Variants in SNX25 observed in about 807,000 individuals in gnomAD.
SNX25 encodes the protein sorting nexin-25.
A neutral mutation model predicts 113.7 loss-of-function variants in SNX25; 62 were observed. The observed-to-expected ratio is 0.55, with a 90% CI of 0.44 to 0.67. SNX25 has a LOEUF of 0.67. SNX25 is among the 30% of genes least tolerant of loss of function. The probability of loss-of-function intolerance (pLI) is 0.00; values close to 1 mark genes in which losing one functional copy is unlikely to be tolerated. For missense variants in SNX25, 1,014 were observed against 1,161.0 expected, an observed-to-expected ratio of 0.87 and a Z score of 1.84; for synonymous variants, 421 against 436.2, an observed-to-expected ratio of 0.97 and a Z score of 0.43.
At chr4:185,239,200 T>G (rs984080815) in intron 1 of SNX25, among the ~76,000 whole-genome samples, 1 of 152,146 alleles carries the variant, frequency 6.6e-6, no homozygotes, top group Non-Finnish European at 1.5e-5. Flanking sequence ...AAAAGTTTTC[T>G]GCCAGGCGCG....
At position 185,363,206 on chromosome 4, in the gene SNX25, A is replaced by G. The variant is rs969058350; in HGVS notation, c.2935-179A>G. On this transcript the variant is annotated intron_variant, in intron 18 of 18. Coordinates refer to ENST00000652585, the MANE Select transcript of SNX25 (RefSeq NM_001378034.2). The surrounding 1 kb of genome is among the most constrained non-coding windows in gnomAD (Gnocchi z 4.2). ...TGGTTTTCTTATTTCAGCAAAGCCA[A>G]CTGTTTCCCAGTCATCTCTGATTAT... Among the ~76,000 whole-genome samples, 15 of 152,094 alleles carry G rather than the reference A, an allele frequency of 9.9e-5. No individual in the cohort carries two copies. Among genetic ancestry groups the G allele is most frequent in the African/African-American group, 3.4e-4 (14 of 41,408 alleles).
At chr4:185,349,507 T>C (rs2095305086) in intron 13 of SNX25, among the ~76,000 whole-genome samples, 2 of 152,202 alleles carry the variant, frequency 1.3e-5, no homozygotes, top group Admixed American at 6.5e-5. Context: ...TCATAATGAC[T>C]GTACTAATTT....
intron 14 of SNX25, among the ~76,000 whole-genome samples, chr4:185,352,289 G>A (rs531470328): frequency 1.3e-5 from 2 of 152,328 alleles, no homozygotes; most frequent in South Asian, 2.1e-4. Context: ...GCTCTGAAAT[G>A]TGGCTTCCCC....
Position 185,323,562 on chromosome 4 carries a change from A to T in SNX25, c.1511A>T (p.Gln504Leu), listed in dbSNP as rs1199213878. Residue 504 changes from glutamine to leucine, a missense_variant, in exon 9 of 19, where the codon CAG (glutamine) becomes CTG (leucine). Physicochemically the swap from Gln to Leu is moderately radical, Grantham distance 113. Coordinates refer to ENST00000652585, the MANE Select transcript of SNX25 (RefSeq NM_001378034.2). ...CCACAATTAGTTGGTGAAATTTATC[A>T]GAATTTCTTTGTGGAGAGCAAAGAA... Reference protein sequence around the residue: ...EIPQLVGEIYQNFFVESKEIS... With the variant: ...EIPQLVGEIYLNFFVESKEIS... 7.4e-6 allele frequency: 12 copies of T among 1,611,312 alleles called. No homozygotes were observed. In the East Asian group the frequency reaches 2.7e-4, roughly 36 times the overall value.
chr4:185,298,280 G>C (rs1579676117), intron 6 of SNX25, among the ~76,000 whole-genome samples: 1 of 151,848 alleles, frequency 6.6e-6, no homozygotes, highest in East Asian at 1.9e-4. Flanking sequence ...GTAGAGATGA[G>C]GTTTTGCCAT....
intron 5 of SNX25, 134 bp downstream of exon 5, chr4:185,267,289 C>T (rs1278165883): frequency 1.4e-5 from 12 of 833,648 alleles, no homozygotes; most frequent in Non-Finnish European, 2.2e-5. Flanking sequence ...TATTTAGTGA[C>T]AGCTAAATTT....
the SNX25 span, among the ~76,000 whole-genome samples, chr4:185,376,100 GA>G: frequency 6.6e-6 from 1 of 152,132 alleles, no homozygotes; most frequent in Non-Finnish European, 1.5e-5. Flanking sequence ...CTACATTACT[GA>G]AGTTGAGGGG....
chr4:185,367,304 T>C (rs1323414758), downstream of SNX25: 3 of 329,898 alleles, frequency 9.1e-6, no homozygotes, highest in Non-Finnish European at 8.7e-6. Context: ...GTCTTTCTTC[T>C]TTTTTTTTTT....
At chr4:185,212,312 T>C (rs1449292918) in intron 1 of SNX25, among the ~76,000 whole-genome samples, 1 of 151,850 alleles carries the variant, frequency 6.6e-6, no homozygotes, top group African/African-American at 2.4e-5. Flanking sequence ...AAATTTTTTT[T>C]TAAATTTTTT....
rs1737467089 is a variant in SNX25, at chr4:185,209,906, C to T, written c.80C>T (p.Ser27Leu). The T allele has an allele frequency of 1.0e-6, 1 of 983,160 alleles. No homozygotes were observed. Among genetic ancestry groups the T allele is most frequent in the South Asian group, 4.7e-5 (1 of 21,286 alleles). 60.9% of individuals were successfully genotyped at this position (983,160 alleles called of 1,614,324 possible). A position where few individuals can be genotyped will look rare whatever the true frequency, so the allele number is the denominator to read the frequency against. The change falls in exon 1 of 19, where the codon TCG becomes TTG. Residue 27 changes from serine to leucine, a missense_variant. By Grantham distance (145) the Ser-to-Leu change is moderately radical. Coordinates refer to ENST00000652585, the MANE Select transcript of SNX25 (RefSeq NM_001378034.2). This position sits in a 1 kb window ranked among gnomAD's most constrained non-coding sequence, Gnocchi z 5.2. ...GCAGGCGCCGGCGGCCGTCCTGTCT[C>T]GGGCTTCAGGGGCGAGCGGCGGCCG... Reference protein sequence around the residue: ...RAAGAGGRPVSGFRGERRPES... With the variant: ...RAAGAGGRPVLGFRGERRPES...
rs1400236123 is a variant in SNX25 at position 185,256,737 on chromosome 4, C to CA, written c.515-2110dup. Among the ~76,000 whole-genome samples the CA allele has an allele frequency of 2.6e-5, 4 of 151,574 alleles. No individual in the cohort carries two copies. The East Asian group carries it at 7.8e-4, about 29-fold the overall frequency. ...ACCTCCCAGGCTCAAATGATCCTCC[C>CA]ACCTCAGCCCCAAGTAGCTGGGAAT... On this transcript the variant is annotated intron_variant, in intron 2 of 18. Transcript: ENST00000652585.
chr4:185,256,628 T>C (rs1316958710), intron 2 of SNX25, among the ~76,000 whole-genome samples: 2 of 148,544 alleles, frequency 1.3e-5, no homozygotes, highest in African/African-American at 2.5e-5. Flanking sequence ...AAATTTCTTT[T>C]TTTTTTTTTT....
At chr4:185,320,506 G>A (rs925906440) in intron 7 of SNX25, among the ~76,000 whole-genome samples, 3 of 152,018 alleles carry the variant, frequency 2.0e-5, no homozygotes. Context: ...GAACTTAGAG[G>A]ACTGGTCAAT....
rs546083196 is a variant in SNX25, at chr4:185,212,491, G to GTGTTTGTTT, written c.429+2237_429+2238insGTTTGTTTT. Reference sequence around the variant, plus strand: ...TGTGTGTGTGTGTGTGTGTGTGTGTGTTTTTTTTTTTTTTTGCTTTGAGAC... The same window carrying GTGTTTGTTT: ...TGTGTGTGTGTGTGTGTGTGTGTGTGTGTTTGTTTTTTTTTTTTTTTTTTGCTTTGAGAC... On this transcript the variant is annotated intron_variant, in intron 1 of 18. Transcript: ENST00000652585. Among the ~76,000 whole-genome samples the GTGTTTGTTT allele has an allele frequency of 6.9e-3, 726 of 104,920 alleles. 73 individuals are homozygous for GTGTTTGTTT. Among genetic ancestry groups the GTGTTTGTTT allele is most frequent in the Admixed American group, 0.057 (533 of 9,420 alleles). The allele number at this position is 104,920 out of a possible 152,430, so 68.8% of individuals were successfully genotyped here.
At chr4:185,301,213 A>G (rs1046005005) in intron 6 of SNX25, among the ~76,000 whole-genome samples, 4 of 149,486 alleles carry the variant, frequency 2.7e-5, no homozygotes, top group Non-Finnish European at 5.9e-5. Flanking sequence ...ACATTTCAAC[A>G]CAGTTGTCTT....
intron 15 of SNX25, among the ~76,000 whole-genome samples, chr4:185,353,900 C>T (rs543274615): frequency 1.4e-4 from 21 of 152,104 alleles, no homozygotes; most frequent in Admixed American, 3.3e-4. Flanking sequence ...AAAAATTAGC[C>T]GGGCATGGTG....
At chr4:185,370,832 T>A, downstream of SNX25, 1 of 1,613,312 alleles carries the variant, frequency 6.2e-7, no homozygotes, top group Non-Finnish European at 8.5e-7. Flanking sequence ...GATGTAGAGT[T>A]GTGAAATGGA....
chr4:185,239,482 A>C (rs1449661759), intron 1 of SNX25, among the ~76,000 whole-genome samples: 13 of 152,188 alleles, frequency 8.5e-5, no homozygotes, highest in Admixed American at 2.6e-4. Flanking sequence ...ACTCCGTCTC[A>C]AAAAGAAAAA....
chr4:185,242,401 T>C (rs1744200790), intron 1 of SNX25, among the ~76,000 whole-genome samples: 1 of 152,092 alleles, frequency 6.6e-6, no homozygotes, highest in East Asian at 1.9e-4. Context: ...AGTCTGTAAG[T>C]CTGGGCTGCT....
Sources: gnomAD v4.1 joint callset for allele counts (sites outside exome capture counted in the v4.1 genomes callset) on GRCh38, gnomAD v4.1.1 for gene constraint, Gnocchi (gnomAD v3.1) non-coding constraint, MANE v1.5 for transcripts, NCBI Gene and HGNC (gene_info 2026-07-23, HGNC 2026-07-21) for gene names.